ZNF704: variants seen among roughly 807,000 people sequenced by gnomAD.
ZNF704 encodes the protein zinc finger protein 704.
A neutral mutation model predicts 44.7 loss-of-function variants in ZNF704; 10 were observed. The ratio of observed to expected loss-of-function variants is 0.22; its 90% CI spans 0.14 to 0.38. The LOEUF (loss-of-function observed/expected upper bound fraction) is 0.38, where lower values mean the gene tolerates loss of function less well. ZNF704 is among the 10% of genes least tolerant of loss of function. The pLI, the probability that ZNF704 is intolerant of heterozygous loss-of-function variation, is 1.00. For synonymous variants in ZNF704, 211 were observed against 207.6 expected (o/e 1.02, Z -0.14); for missense variants, 390 against 545.5 (o/e 0.71, Z 2.84).
intron 1 of ZNF704, among the ~76,000 whole-genome samples, chr8:80,831,154 A>G (rs1808466468): frequency 6.6e-6 from 1 of 152,190 alleles, no homozygotes; most frequent in Non-Finnish European, 1.5e-5. Context: ...AAAACCAAAG[A>G]AAACAAAATA....
intron 2 of ZNF704, among the ~76,000 whole-genome samples, chr8:80,770,040 C>T (rs1807293829): frequency 6.6e-6 from 1 of 152,154 alleles, no homozygotes; most frequent in African/African-American, 2.4e-5. Context: ...GGAAACTCCC[C>T]CTTATGAAAC....
At chr8:80,862,245 G>GT (rs1809076327) in intron 1 of ZNF704, among the ~76,000 whole-genome samples, 1 of 151,640 alleles carries the variant, frequency 6.6e-6, no homozygotes, top group South Asian at 2.1e-4. Flanking sequence ...GATCTTTGAG[G>GT]TATCTCAGTT....
intron 1 of ZNF704, among the ~76,000 whole-genome samples, chr8:80,842,981 G>GCTT (rs1808706442): frequency 6.6e-6 from 1 of 152,124 alleles, no homozygotes; most frequent in South Asian, 2.1e-4. Flanking sequence ...CTAACATCCT[G>GCTT]CTTTCATCTT....
At position 80,637,815 on chromosome 8, in the gene ZNF704, G is replaced by C. The variant is rs1321923613; in HGVS notation, c.*3551C>G. 2 of 152,244 alleles carry C rather than the reference G, an allele frequency of 1.3e-5. No individual in the cohort carries two copies. Among genetic ancestry groups the C allele is most frequent in the African/African-American group, 4.8e-5 (2 of 41,460 alleles). 9.4% of individuals were successfully genotyped at this position (152,244 alleles called of 1,614,324 possible). ...AGCTTTTTTCCTGACACTGGCTTTTGCCAACCAAGGGAGAAAACTTTTCAG... is the reference window on the plus strand; with the variant it reads ...AGCTTTTTTCCTGACACTGGCTTTTCCCAACCAAGGGAGAAAACTTTTCAG... On this transcript the variant is annotated 3_prime_UTR_variant, in exon 9 of 9. Transcript: ENST00000327835.
chr8:80,777,132 G>A lies in ZNF704; in HGVS notation c.221+44242C>T, dbSNP rs186611556. On this transcript the variant is annotated intron_variant, in intron 2 of 8. Transcript: ENST00000327835. The stretch of plus-strand genomic sequence containing the variant: ...AAAGTTATTTTTTTTAAATTGCTAA[G>A]AATTTATCTCAATATGATTTCCATT... Among the ~76,000 whole-genome samples the A allele has an allele frequency of 8.8e-4, 134 of 152,072 alleles. 3 individuals are homozygous for A. In the East Asian group the frequency reaches 0.024, roughly 27 times the overall value.
intron 2 of ZNF704, among the ~76,000 whole-genome samples, chr8:80,746,096 C>T (rs1806838973): frequency 6.6e-6 from 1 of 152,158 alleles, no homozygotes; most frequent in Non-Finnish European, 1.5e-5. Flanking sequence ...AAACAAATGT[C>T]TACTTTATGC....
In ZNF704 at chr8:80,771,400, T is replaced by C. The variant is rs1807317495; in HGVS notation, c.221+49974A>G. ...TTCATCAGTTTTACAGTTTTTAGCA[T>C]ATAAGTCCTGTACATGTTTTATTAG... On this transcript the variant is annotated intron_variant, in intron 2 of 8. Coordinates refer to ENST00000327835, the MANE Select transcript of ZNF704 (RefSeq NM_001033723.3). 2.6e-5 allele frequency among the ~76,000 whole-genome samples: 4 copies of C among 152,166 alleles called. No individual in the cohort carries two copies. The South Asian group carries it at 6.2e-4, about 24-fold the overall frequency.
At chr8:80,783,655 T>C (rs1015529727) in intron 2 of ZNF704, among the ~76,000 whole-genome samples, 3 of 152,160 alleles carry the variant, frequency 2.0e-5, no homozygotes, top group Non-Finnish European at 4.4e-5. Flanking sequence ...AAAGTTCCCA[T>C]GTTCCCCCTT....
intron 2 of ZNF704, among the ~76,000 whole-genome samples, chr8:80,739,303 A>C (rs1806717439): frequency 6.6e-6 from 1 of 152,170 alleles, no homozygotes; most frequent in Admixed American, 6.5e-5. Context: ...TATGTCCCAC[A>C]CTTGGTTAAA....
intron 2 of ZNF704, among the ~76,000 whole-genome samples, chr8:80,782,037 C>A (rs767905451): frequency 4.6e-5 from 7 of 152,162 alleles, no homozygotes; most frequent in Non-Finnish European, 1.0e-4. Context: ...TGAACTGCCA[C>A]CAAAAATATT....
intron 1 of ZNF704, among the ~76,000 whole-genome samples, chr8:80,844,740 C>G (rs1358130235): frequency 6.6e-6 from 1 of 152,124 alleles, no homozygotes; most frequent in Non-Finnish European, 1.5e-5. Flanking sequence ...CCAAATTAAA[C>G]ATGCTATTAA....
Position 80,837,831 on chromosome 8 carries a change from T to C in ZNF704, c.-21-16216A>G, listed in dbSNP as rs886530640. ...GATGGTCTGCCCATTCTAATAGCTA[T>C]GATGGCCACACAGGGCCCCCTGACT... On this transcript the variant is annotated intron_variant, in intron 1 of 8. Transcript: ENST00000327835. 7.2e-5 allele frequency among the ~76,000 whole-genome samples: 11 copies of C among 152,146 alleles called. 1 individual carries two copies. The East Asian group carries it at 2.1e-3, about 29-fold the overall frequency.
At chr8:80,767,789 TTGC>T (rs745735422) in intron 2 of ZNF704, among the ~76,000 whole-genome samples, 14 of 152,186 alleles carry the variant, frequency 9.2e-5, no homozygotes, top group Non-Finnish European at 1.6e-4. Flanking sequence ...CTCAGCTTTT[TTGC>T]TGCTATTAAA....
At chr8:80,873,391 G>A (rs1388972343) in intron 1 of ZNF704, among the ~76,000 whole-genome samples, 1 of 151,032 alleles carries the variant, frequency 6.6e-6, no homozygotes, top group East Asian at 2.0e-4. Context: ...GCTGCCCCGC[G>A]CGGCCGCCCG....
intron 1 of ZNF704, among the ~76,000 whole-genome samples, chr8:80,848,603 G>T (rs893717500): frequency 1.4e-4 from 21 of 151,978 alleles, no homozygotes; most frequent in Non-Finnish European, 2.8e-4. Context: ...CCAGCACTTT[G>T]GGGGGCCAAG....
intron 4 of ZNF704, 22 bp from the exon 5 acceptor site, chr8:80,670,625 AT>A: frequency 6.7e-7 from 1 of 1,486,452 alleles, no homozygotes; most frequent in Non-Finnish European, 9.4e-7. Flanking sequence ...AGAGAGTGAT[AT>A]TAGAATGGAA....
chr8:80,725,912 A>G (rs770709279), intron 2 of ZNF704, among the ~76,000 whole-genome samples: 30 of 152,204 alleles, frequency 2.0e-4, no homozygotes, highest in Non-Finnish European at 4.1e-4. Flanking sequence ...GAAATAGTGA[A>G]CATTAAATAT....
intron 3 of ZNF704, among the ~76,000 whole-genome samples, chr8:80,692,732 C>T (rs1204818258): frequency 1.3e-5 from 2 of 152,164 alleles, no homozygotes; most frequent in African/African-American, 4.8e-5. Flanking sequence ...ACAAGTACTG[C>T]AAAGACGTCC....
intron 2 of ZNF704, among the ~76,000 whole-genome samples, chr8:80,744,731 C>T (rs960249683): frequency 6.6e-6 from 1 of 152,126 alleles, no homozygotes; most frequent in South Asian, 2.1e-4. Context: ...AACTAATGGA[C>T]CATCCCTTTT....
Sources: allele counts gnomAD v4.1 joint callset (sites outside exome capture counted in the v4.1 genomes callset), GRCh38; gene constraint gnomAD v4.1.1; transcripts MANE v1.5; gene names NCBI Gene and HGNC (gene_info 2026-07-23, HGNC 2026-07-21).